Variants in NKAIN3 observed in about 807,000 individuals in gnomAD.
The protein encoded by NKAIN3 is sodium/potassium transporting ATPase interacting 3, also known as sodium/potassium-transporting ATPase subunit beta-1-interacting protein 3.
Under a neutral mutation model 30.2 loss-of-function variants are expected in NKAIN3, and 25 were observed. The observed-to-expected ratio is 0.83, with a 90% CI of 0.60 to 1.16. The LOEUF is 1.16. Ranked by LOEUF, NKAIN3 falls within the 50% of genes most tolerant of loss-of-function variation. NKAIN3 has a pLI of 0.00. For synonymous variants in NKAIN3, 91 were observed against 89.6 expected (o/e 1.02, Z -0.09); for missense variants, 225 against 254.1 (o/e 0.89, Z 0.78).
intron 1 of NKAIN3, among the ~76,000 whole-genome samples, chr8:62,531,086 A>G: frequency 6.6e-6 from 1 of 152,156 alleles, no homozygotes; most frequent in East Asian, 1.9e-4. Context: ...ACCTTTCCAC[A>G]GATGGTGTAG....
chr8:62,557,558 C>T (rs897797805), intron 1 of NKAIN3, among the ~76,000 whole-genome samples: 14 of 152,190 alleles, frequency 9.2e-5, no homozygotes, highest in East Asian at 3.9e-4. Context: ...ACCACATCCA[C>T]GCCAGCATCT....
intron 1 of NKAIN3, among the ~76,000 whole-genome samples, chr8:62,266,528 T>C (rs1812607027): frequency 6.6e-6 from 1 of 152,200 alleles, no homozygotes; most frequent in Non-Finnish European, 1.5e-5. Context: ...ATGAGTTAGT[T>C]TTACATACTA....
At chr8:62,341,091 T>A (rs778946487) in intron 1 of NKAIN3, among the ~76,000 whole-genome samples, 2 of 152,104 alleles carry the variant, frequency 1.3e-5, no homozygotes, top group Non-Finnish European at 2.9e-5. Context: ...TGTTTTGTGC[T>A]GTTTATTTTA....
Position 62,651,424 on chromosome 8 carries a change from G to T in NKAIN3, c.273+61630G>T, listed in dbSNP as rs150083614. ...AATCTTCATCTCATTAAATCTTATT[G>T]ACAGATCATTGTCTTCCTAGTAGAA... On this transcript the variant is annotated intron_variant, in intron 3 of 6. Transcript: ENST00000623646. Among the ~76,000 whole-genome samples, 482 of 152,200 alleles carry T rather than the reference G, an allele frequency of 3.2e-3. 4 individuals carry two copies. The highest frequency in any genetic ancestry group is 0.01 in the Middle Eastern group (3 of 294).
At chr8:62,782,964 T>C (rs1817399471) in intron 4 of NKAIN3, among the ~76,000 whole-genome samples, 1 of 151,904 alleles carries the variant, frequency 6.6e-6, no homozygotes, top group Non-Finnish European at 1.5e-5. Context: ...TATCAAAACA[T>C]AGAAATGATA....
chr8:62,263,277 A>G (rs1812499050), intron 1 of NKAIN3, among the ~76,000 whole-genome samples: 1 of 152,150 alleles, frequency 6.6e-6, no homozygotes, highest in Non-Finnish European at 1.5e-5. Context: ...TGCTCTTAGG[A>G]GAATGGTAGT....
chr8:62,799,417 A>G (rs1185541152), intron 4 of NKAIN3, among the ~76,000 whole-genome samples: 1 of 152,238 alleles, frequency 6.6e-6, no homozygotes. Context: ...AAGAAGATAT[A>G]CAAATAGCCA....
At chr8:62,305,163 A>C (rs553325315) in intron 1 of NKAIN3, among the ~76,000 whole-genome samples, 1 of 149,132 alleles carries the variant, frequency 6.7e-6, no homozygotes, top group Admixed American at 6.6e-5. Context: ...ACCATTCATT[A>C]TATAATACTT....
intron 1 of NKAIN3, among the ~76,000 whole-genome samples, chr8:62,388,038 T>C (rs906700032): frequency 6.6e-6 from 1 of 152,232 alleles, no homozygotes; most frequent in African/African-American, 2.4e-5. Context: ...CCTTACTATG[T>C]AATGACATTG....
chr8:62,583,906 T>C (rs556639303), intron 2 of NKAIN3, among the ~76,000 whole-genome samples: 17 of 152,200 alleles, frequency 1.1e-4, no homozygotes, highest in Admixed American at 2.6e-4. Flanking sequence ...TTCACAAAAA[T>C]TGCCTTTTAA....
At chr8:62,870,671 A>C (rs1314771552) in intron 4 of NKAIN3, among the ~76,000 whole-genome samples, 1 of 132,600 alleles carries the variant, frequency 7.5e-6, no homozygotes, top group East Asian at 2.0e-4. Flanking sequence ...ATATATAGAT[A>C]TCTATATATC....
At chr8:62,465,713 C>G (rs574522360) in intron 1 of NKAIN3, among the ~76,000 whole-genome samples, 2 of 152,284 alleles carry the variant, frequency 1.3e-5, no homozygotes, top group Admixed American at 1.3e-4. Flanking sequence ...TTAAATAAAA[C>G]TAATTCAAAT....
intron 1 of NKAIN3, among the ~76,000 whole-genome samples, chr8:62,415,453 CAAG>C (rs1804415165): frequency 6.7e-6 from 1 of 149,580 alleles, no homozygotes; most frequent in African/African-American, 2.4e-5. Flanking sequence ...ACATAGTTGT[CAAG>C]AAGCTGAGCA....
In NKAIN3 at chr8:62,347,321, T is replaced by A. The variant is rs185614299; in HGVS notation, c.54+98194T>A. Reference sequence around the variant, plus strand: ...TTGGGAGCTCATCATGCTATCAACATAAAAGTTGCAGTAGAGAGAAAAAGG... The same window carrying A: ...TTGGGAGCTCATCATGCTATCAACAAAAAAGTTGCAGTAGAGAGAAAAAGG... On this transcript the variant is annotated intron_variant, in intron 1 of 6. Coordinates refer to ENST00000623646, the MANE Select transcript of NKAIN3 (RefSeq NM_001304533.3). Among the ~76,000 whole-genome samples the A allele has an allele frequency of 6.7e-3, 1,016 of 152,218 alleles. 6 individuals carry two copies. Among genetic ancestry groups the A allele is most frequent in the Non-Finnish European group, 0.011 (745 of 67,990 alleles).
chr8:62,625,422 G>GT (rs952010584), intron 3 of NKAIN3, among the ~76,000 whole-genome samples: 4 of 152,070 alleles, frequency 2.6e-5, no homozygotes, highest in East Asian at 1.9e-4. Flanking sequence ...TCCCACTCAG[G>GT]TTTTTTTGAC....
chr8:62,996,332 A>C (rs1437846995), intron 5 of NKAIN3, among the ~76,000 whole-genome samples: 1 of 150,524 alleles, frequency 6.6e-6, no homozygotes, highest in East Asian at 1.9e-4. Flanking sequence ...ATCACATGAG[A>C]GCTCCCTCAC....
Position 62,968,169 on chromosome 8 carries a change from C to T in NKAIN3, c.*2762C>T, listed in dbSNP as rs1823754206. 6.6e-6 allele frequency among the ~76,000 whole-genome samples: 1 copy of T among 152,186 alleles called. No individual in the cohort carries two copies. The highest frequency in any genetic ancestry group is 1.5e-5 in the Non-Finnish European group (1 of 68,042). On this transcript the variant is annotated 3_prime_UTR_variant, in exon 7 of 7. Transcript: ENST00000623646. ...GCCACCTCCTCTTCTCTCTTTTCTTCTCCCTGCCTTTCATCTTCCTGGTTT... is the reference window on the plus strand; with the variant it reads ...GCCACCTCCTCTTCTCTCTTTTCTTTTCCCTGCCTTTCATCTTCCTGGTTT...
chr8:62,333,044 A>G (rs1028573909), intron 1 of NKAIN3, among the ~76,000 whole-genome samples: 6 of 152,156 alleles, frequency 3.9e-5, no homozygotes, highest in Non-Finnish European at 8.8e-5. Context: ...AGCACAATTC[A>G]TGAGATTGTT....
chr8:62,413,216 A>G (rs958035649), intron 1 of NKAIN3, among the ~76,000 whole-genome samples: 3 of 152,220 alleles, frequency 2.0e-5, no homozygotes, highest in African/African-American at 7.2e-5. Flanking sequence ...TTGTTCAGCC[A>G]TTGTGGAAAG....
Sources: gnomAD v4.1 joint callset for allele counts (sites outside exome capture counted in the v4.1 genomes callset) on GRCh38, gnomAD v4.1.1 for gene constraint, MANE v1.5 for transcripts, NCBI Gene and HGNC (gene_info 2026-07-23, HGNC 2026-07-21) for gene names.